RAB3C: variants seen among roughly 807,000 people sequenced by gnomAD.
RAB3C encodes the protein ras-related protein Rab-3C.
Under a neutral mutation model 26.4 loss-of-function variants are expected in RAB3C, and 17 were observed. The ratio of observed to expected loss-of-function variants is 0.64; its 90% CI spans 0.44 to 0.97. The LOEUF (loss-of-function observed/expected upper bound fraction) is 0.97, where lower values mean the gene tolerates loss of function less well. Ranked by LOEUF, RAB3C falls within the 50% of genes least tolerant of loss-of-function variation. The probability of loss-of-function intolerance (pLI) is 0.00; values close to 1 mark genes in which losing one functional copy is unlikely to be tolerated. For synonymous variants in RAB3C, 91 were observed against 95.9 expected (o/e 0.95, Z 0.30); for missense variants, 242 against 281.9 (o/e 0.86, Z 1.01).
In RAB3C at chr5:58,855,461, T is replaced by C. The variant is rs1297323896; in HGVS notation, c.*4110T>C. On this transcript the variant is annotated 3_prime_UTR_variant, in exon 5 of 5. Coordinates refer to ENST00000282878, the MANE Select transcript of RAB3C (RefSeq NM_138453.4). ...TGACTAGAACCCGGAACTCTGTTCC[T>C]TTGCGTGTATAGTCACTTAGTGTGC... 1 of 152,210 alleles carries C rather than the reference T, an allele frequency of 6.6e-6. No homozygotes were observed. Among genetic ancestry groups the C allele is most frequent in the Non-Finnish European group, 1.5e-5 (1 of 68,048 alleles). The allele number at this position is 152,210 out of a possible 1,614,324, so 9.4% of individuals were successfully genotyped here.
At chr5:58,711,710 A>G (rs1300680338) in intron 2 of RAB3C, among the ~76,000 whole-genome samples, 1 of 152,164 alleles carries the variant, frequency 6.6e-6, no homozygotes, top group Non-Finnish European at 1.5e-5. Flanking sequence ...AAGGGGTTTA[A>G]TTACTTGCCC....
intron 2 of RAB3C, among the ~76,000 whole-genome samples, chr5:58,674,423 A>G (rs1748182242): frequency 6.6e-6 from 1 of 152,230 alleles, no homozygotes; most frequent in Non-Finnish European, 1.5e-5. Flanking sequence ...GGTGGGATAT[A>G]AACCAACCAA....
At chr5:58,814,730 A>C (rs1743180594) in intron 3 of RAB3C, 1 of 152,040 alleles carries the variant, frequency 6.6e-6, no homozygotes, top group Non-Finnish European at 1.5e-5. Flanking sequence ...TCATCTAGTT[A>C]CTGTTGTTTT....
intron 1 of RAB3C, among the ~76,000 whole-genome samples, chr5:58,615,277 C>T (rs1165006992): frequency 6.6e-6 from 1 of 152,112 alleles, no homozygotes; most frequent in African/African-American, 2.4e-5. Flanking sequence ...AAGTGAGCAG[C>T]TCTAGGAAAT....
intron 2 of RAB3C, among the ~76,000 whole-genome samples, chr5:58,675,960 A>ATC (rs140029566): frequency 0.19 from 29,298 of 151,600 alleles, 3,097 homozygotes; most frequent in African/African-American, 0.28. Flanking sequence ...GTGCAGCCTT[A>ATC]CCCTGTGGCA....
At chr5:58,606,610 A>G (rs290571) in intron 1 of RAB3C, among the ~76,000 whole-genome samples, 115,571 of 152,126 alleles carry the variant, frequency 0.76, 43,880 homozygotes, top group South Asian at 0.84. Flanking sequence ...CCTGAGCCCC[A>G]TGTAGCCTAA....
intron 3 of RAB3C, among the ~76,000 whole-genome samples, chr5:58,747,112 T>G (rs1238689838): frequency 6.6e-6 from 1 of 152,192 alleles, no homozygotes; most frequent in Non-Finnish European, 1.5e-5. Flanking sequence ...ATCTTCTGGT[T>G]TTTTTTCTAA....
intron 2 of RAB3C, among the ~76,000 whole-genome samples, chr5:58,652,770 C>T (rs1178902898): frequency 1.3e-5 from 2 of 150,464 alleles, no homozygotes; most frequent in African/African-American, 4.9e-5. Flanking sequence ...TGTGCCAGTA[C>T]CTTGGCTTTA....
intron 1 of RAB3C, among the ~76,000 whole-genome samples, chr5:58,612,520 G>GTATATATA (rs200928384): frequency 1.3e-5 from 1 of 79,174 alleles, no homozygotes; most frequent in Non-Finnish European, 2.8e-5. Context: ...GTGTGTGTGT[G>GTATATATA]TATATATATA....
intron 2 of RAB3C, among the ~76,000 whole-genome samples, chr5:58,623,740 G>A (rs1746989611): frequency 6.6e-6 from 1 of 152,146 alleles, no homozygotes; most frequent in African/African-American, 2.4e-5. Context: ...CAACTGCATG[G>A]GAAGACAGGA....
intron 1 of RAB3C, among the ~76,000 whole-genome samples, chr5:58,585,047 T>C (rs1399586584): frequency 1.3e-5 from 2 of 152,112 alleles, no homozygotes; most frequent in Non-Finnish European, 2.9e-5. Flanking sequence ...GATGGAGTTA[T>C]TGTCATATTT....
intron 3 of RAB3C, among the ~76,000 whole-genome samples, chr5:58,746,657 T>A (rs893069273): frequency 6.6e-6 from 1 of 152,190 alleles, no homozygotes; most frequent in Non-Finnish European, 1.5e-5. Flanking sequence ...GCAGTATTTA[T>A]TTCATGCTAC....
At chr5:58,699,982 C>A (rs1748807469) in intron 2 of RAB3C, among the ~76,000 whole-genome samples, 1 of 152,216 alleles carries the variant, frequency 6.6e-6, no homozygotes, top group Non-Finnish European at 1.5e-5. Context: ...CACTCTCCAG[C>A]CAGTCCCAAT....
intron 3 of RAB3C, among the ~76,000 whole-genome samples, chr5:58,809,500 G>C (rs1743021187): frequency 6.6e-6 from 1 of 151,826 alleles, no homozygotes; most frequent in Non-Finnish European, 1.5e-5. Flanking sequence ...AAGAATTTCA[G>C]ACACTACAGG....
At chr5:58,741,240 G>A (rs535207454) in intron 3 of RAB3C, among the ~76,000 whole-genome samples, 111 of 152,304 alleles carry the variant, frequency 7.3e-4, no homozygotes, top group African/African-American at 2.5e-3. Flanking sequence ...TGACAACGAG[G>A]GAAGTTTCCC....
chr5:58,823,333 A>T (rs1743390668), intron 3 of RAB3C: 2 of 175,440 alleles, frequency 1.1e-5, no homozygotes, highest in South Asian at 2.7e-4. Context: ...CAGCCTGGAC[A>T]ACATGGCAAA....
At chr5:58,837,308 A>G (rs1743771175) in intron 4 of RAB3C, among the ~76,000 whole-genome samples, 2 of 151,500 alleles carry the variant, frequency 1.3e-5, no homozygotes, top group Admixed American at 6.6e-5. Flanking sequence ...CAGTCTCCCA[A>G]GTAGCTGGGA....
intron 1 of RAB3C, among the ~76,000 whole-genome samples, chr5:58,584,400 G>A (rs1745969331): frequency 1.3e-5 from 2 of 152,164 alleles, no homozygotes; most frequent in Non-Finnish European, 2.9e-5. Flanking sequence ...ATGAGTTATT[G>A]AAAATTTGAT....
intron 4 of RAB3C, among the ~76,000 whole-genome samples, chr5:58,834,269 G>A (rs1020445476): frequency 1.1e-4 from 16 of 152,200 alleles, no homozygotes; most frequent in Non-Finnish European, 2.1e-4. Context: ...CTAGTGGTGG[G>A]CATGCACCCA....
Sources: gnomAD v4.1 joint callset for allele counts (sites outside exome capture counted in the v4.1 genomes callset) on GRCh38, gnomAD v4.1.1 for gene constraint, MANE v1.5 for transcripts, NCBI Gene and HGNC (gene_info 2026-07-23, HGNC 2026-07-21) for gene names.